CAPRIN1: variants seen among roughly 807,000 people sequenced by gnomAD.
CAPRIN1 encodes the protein cell cycle associated protein 1, also known as caprin-1.
A neutral mutation model predicts 100.9 loss-of-function variants in CAPRIN1; 29 were observed. The observed-to-expected ratio is 0.29, with a 90% confidence interval of 0.21 to 0.39. The LOEUF (loss-of-function observed/expected upper bound fraction) is 0.39, where lower values mean the gene tolerates loss of function less well. Among genes scored for constraint, CAPRIN1 ranks in the 10% least tolerant of loss-of-function variants. The probability of loss-of-function intolerance (pLI) is 1.00; values close to 1 mark genes in which losing one functional copy is unlikely to be tolerated. For missense variants in CAPRIN1, 795 were observed against 876.7 expected, an observed-to-expected ratio of 0.91 and a Z score of 1.18; for synonymous variants, 338 against 307.5, an observed-to-expected ratio of 1.10 and a Z score of -1.04.
chr11:34,056,536 A>G (rs1850455641), intron 2 of CAPRIN1: 1 of 152,194 alleles, frequency 6.6e-6, no homozygotes, highest in African/African-American at 2.4e-5. Context: ...TACAGCTGTG[A>G]TAATCAAGTG....
At chr11:34,090,317 T>G in intron 13 of CAPRIN1, 28 bp downstream of exon 13, 1 of 1,447,270 alleles carries the variant, frequency 6.9e-7, no homozygotes, top group Non-Finnish European at 9.7e-7. Flanking sequence ...GTCACATACA[T>G]TTGATGAGGC....
chr11:34,059,792 T>G (rs2134086716), intron 2 of CAPRIN1, among the ~76,000 whole-genome samples: 1 of 152,186 alleles, frequency 6.6e-6, no homozygotes, highest in Non-Finnish European at 1.5e-5. Context: ...ACTTGCAGTG[T>G]TTTTTTATTG....
chr11:34,068,626 T>A (rs910711546), intron 2 of CAPRIN1, among the ~76,000 whole-genome samples: 3 of 152,228 alleles, frequency 2.0e-5, no homozygotes, highest in African/African-American at 7.2e-5. Context: ...AACAATGTAC[T>A]GAAGTCTGTC....
At chr11:34,082,373 G>A (rs1417039188) in intron 7 of CAPRIN1, among the ~76,000 whole-genome samples, 1 of 152,038 alleles carries the variant, frequency 6.6e-6, no homozygotes, top group Admixed American at 6.5e-5. Context: ...ATTTTTAGTA[G>A]AGTTGGGGTT....
At chr11:34,052,385 C>T (rs764892985) in intron 1 of CAPRIN1, 36 bp from the exon 2 acceptor site, 10 of 1,562,768 alleles carry the variant, frequency 6.4e-6, no homozygotes, top group East Asian at 4.5e-5. Flanking sequence ...CTTGTCCTTC[C>T]TCCCGCTTTT....
chr11:34,059,874 GAAT>G (rs1850538361), intron 2 of CAPRIN1, among the ~76,000 whole-genome samples: 1 of 129,830 alleles, frequency 7.7e-6, no homozygotes, highest in African/African-American at 2.9e-5. Context: ...GCAAGTAGAA[GAAT>G]ACTTTTTTTT....
At position 34,052,557 on chromosome 11, in the gene CAPRIN1, C is replaced by T. The variant is rs1375895615; in HGVS notation, c.137C>T (p.Thr46Ile). 2.5e-6 allele frequency: 4 copies of T among 1,609,714 alleles called. No individual in the cohort carries two copies. The highest frequency in any genetic ancestry group is 3.4e-6 in the Non-Finnish European group (4 of 1,178,676). ...GCTTCTCAGCACCCCGCAACCGGCA[C>T]CGGCGCTGTCCAGACCGAGGCCATG... ...APASQHPATG[T>I]GAVQTEAMKQ... The change falls in exon 2 of 19, where the codon ACC becomes ATC. Residue 46 changes from threonine to isoleucine, a missense_variant. By Grantham distance (89) the Thr-to-Ile change is moderately conservative (BLOSUM62 -1). Transcript: ENST00000341394.
intron 18 of CAPRIN1, chr11:34,098,847 T>A: frequency 1.0e-6 from 1 of 986,544 alleles, no homozygotes; most frequent in South Asian, 4.7e-5. Context: ...TTTAACAGTT[T>A]AGGTAATAAG....
At chr11:34,077,260 T>G (rs1487030309) in intron 6 of CAPRIN1, among the ~76,000 whole-genome samples, 1 of 152,214 alleles carries the variant, frequency 6.6e-6, no homozygotes, top group African/African-American at 2.4e-5. Flanking sequence ...GTGGACAGAT[T>G]AACATTAGAT....
rs1851447091 is a variant in CAPRIN1 at position 34,101,074 on chromosome 11, C to T, written c.*1707C>T. 6.6e-6 allele frequency: 1 copy of T among 152,534 alleles called. No individual in the cohort carries two copies. Among genetic ancestry groups the T allele is most frequent in the African/African-American group, 2.4e-5 (1 of 41,416 alleles). 9.4% of individuals were successfully genotyped at this position (152,534 alleles called of 1,614,324 possible). On this transcript the variant is annotated 3_prime_UTR_variant, in exon 19 of 19. Transcript: ENST00000341394. ...AATGGATAGGCTGTTGAACATTCCA[C>T]ATTCAAAAGTTTTGTAGGGTGGTGG...
Position 34,096,619 on chromosome 11 carries a change from C to T in CAPRIN1, c.1846C>T (p.Arg616Cys). Residue 616 changes from arginine (R) to cysteine (C), a missense_variant, in exon 16 of 19, where the codon CGT becomes TGT. Coordinates refer to ENST00000341394, the MANE Select transcript of CAPRIN1 (RefSeq NM_005898.5). ...TCGTGGTGTGTCTCGTGGAGGCTCC[C>T]GTGGTGCTAGAGGCTTGATGAATGG... ...NSRGVSRGGS[R>C]GARGLMNGYR... is the part of the protein sequence containing the mutation. The T allele has an allele frequency of 3.1e-6, 5 of 1,613,262 alleles. No individual in the cohort carries two copies. The highest frequency in any genetic ancestry group is 1.7e-5 in the Admixed American group (1 of 59,990).
intron 2 of CAPRIN1, among the ~76,000 whole-genome samples, chr11:34,069,511 T>G (rs1313442286): frequency 6.6e-6 from 1 of 152,076 alleles, no homozygotes; most frequent in African/African-American, 2.4e-5. Context: ...TTTTAAAAAT[T>G]TTTAGCTTCC....
At chr11:34,082,924 A>G (rs750466419) in intron 8 of CAPRIN1, 31 bp from the exon 9 acceptor site, 1 of 1,613,068 alleles carries the variant, frequency 6.2e-7, no homozygotes, top group South Asian at 1.1e-5. Context: ...CCTTTCAAAC[A>G]AATGTCTCAA....
intron 2 of CAPRIN1, among the ~76,000 whole-genome samples, chr11:34,066,399 TC>T (rs1170933188): frequency 5.9e-5 from 9 of 151,824 alleles, no homozygotes; most frequent in African/African-American, 2.2e-4. Context: ...AGTGGCACGA[TC>T]TTGGCTCTCT....
At chr11:34,079,905 G>GTTTTTTTTTTTTTT (rs377455073) in intron 7 of CAPRIN1, 140 bp downstream of exon 7, 1 of 316,642 alleles carries the variant, frequency 3.2e-6, no homozygotes, top group African/African-American at 2.9e-5. Context: ...GCATGACAAA[G>GTTTTTTTTTTTTTT]TTTTTTTTTT....
intron 2 of CAPRIN1, among the ~76,000 whole-genome samples, chr11:34,062,803 AT>A (rs1454092795): frequency 6.6e-6 from 1 of 152,074 alleles, no homozygotes; most frequent in Non-Finnish European, 1.5e-5. Context: ...ATTTTTAAGT[AT>A]TCCCTCTCAG....
chr11:34,052,311 T>G, intron 1 of CAPRIN1, 110 bp from the exon 2 acceptor site: 6 of 911,610 alleles, frequency 6.6e-6, no homozygotes, highest in Non-Finnish European at 8.4e-6. Context: ...CCCGCTCGCG[T>G]AGGCTACCGC....
At chr11:34,078,132 A>G (rs1221040212) in intron 6 of CAPRIN1, among the ~76,000 whole-genome samples, 1 of 152,192 alleles carries the variant, frequency 6.6e-6, no homozygotes, top group Non-Finnish European at 1.5e-5. Context: ...AATATACCCA[A>G]ATTAGTGTTT....
At chr11:34,086,680 C>A (rs1851152698) in intron 11 of CAPRIN1, among the ~76,000 whole-genome samples, 1 of 152,106 alleles carries the variant, frequency 6.6e-6, no homozygotes, top group Non-Finnish European at 1.5e-5. Context: ...CTGAAAACAC[C>A]TGCAGCTAGA....
Sources: allele counts gnomAD v4.1 joint callset (sites outside exome capture counted in the v4.1 genomes callset), GRCh38; gene constraint gnomAD v4.1.1; transcripts MANE v1.5; gene names NCBI Gene and HGNC (gene_info 2026-07-23, HGNC 2026-07-21).